The following CENPP variants were observed in gnomAD, a reference collection of about 807,000 sequenced individuals.
The protein encoded by CENPP is centromere protein P.
In CENPP, 24 loss-of-function variants were observed where a neutral mutation model predicts 35.6. The ratio of observed to expected loss-of-function variants is 0.67; its 90% CI spans 0.49 to 0.95. The LOEUF is 0.95. Ranked by LOEUF, CENPP falls within the 40% of genes least tolerant of loss-of-function variation. The pLI is 0.00. For synonymous variants in CENPP, 120 were observed against 125.5 expected (o/e 0.96, Z 0.29); for missense variants, 332 against 345.3 (o/e 0.96, Z 0.31).
intron 5 of CENPP, among the ~76,000 whole-genome samples, chr9:92,449,560 CTT>C (rs1448094745): frequency 6.9e-6 from 1 of 144,618 alleles, no homozygotes; most frequent in African/African-American, 2.5e-5. Flanking sequence ...TGAAAATGTT[CTT>C]TAAACATCAG....
chr9:92,602,342 C>T (rs1435265027), intron 5 of CENPP, among the ~76,000 whole-genome samples: 3 of 152,318 alleles, frequency 2.0e-5, no homozygotes, highest in African/African-American at 4.8e-5. Context: ...CCCTCACTGT[C>T]GTTGGTGTTG....
intron 5 of CENPP, among the ~76,000 whole-genome samples, chr9:92,487,682 C>CATGGTGGCACACACCTATAT (rs1037069520): frequency 6.6e-6 from 1 of 152,210 alleles, no homozygotes; most frequent in South Asian, 2.1e-4. Context: ...ATAGAACAGA[C>CATGGTGGCACACACCTATAT]ATGGTGGCAC....
chr9:92,567,358 C>T (rs1849991354), intron 5 of CENPP, among the ~76,000 whole-genome samples: 1 of 107,172 alleles, frequency 9.3e-6, no homozygotes, highest in South Asian at 3.6e-4. Flanking sequence ...ATGGGGTATA[C>T]AGTTACATAA....
chr9:92,401,003 T>C, intron 5 of CENPP: 1 of 667,324 alleles, frequency 1.5e-6, no homozygotes, highest in South Asian at 1.9e-5. Flanking sequence ...TTACTGTATC[T>C]TGAGTCAGTT....
At chr9:92,514,274 CTTTT>C (rs1044226766) in intron 5 of CENPP, among the ~76,000 whole-genome samples, 1 of 130,742 alleles carries the variant, frequency 7.6e-6, no homozygotes, top group Non-Finnish European at 1.7e-5. Flanking sequence ...GAGTCATTTA[CTTTT>C]TTTTTTTTTT....
At chr9:92,395,893 T>C (rs1388510545) in intron 5 of CENPP, among the ~76,000 whole-genome samples, 1 of 152,120 alleles carries the variant, frequency 6.6e-6, no homozygotes, top group African/African-American at 2.4e-5. Flanking sequence ...GAACAGTTGG[T>C]TCCTTGATAA....
At chr9:92,453,070 T>A (rs1356835970) in intron 5 of CENPP, among the ~76,000 whole-genome samples, 1 of 152,202 alleles carries the variant, frequency 6.6e-6, no homozygotes, top group Non-Finnish European at 1.5e-5. Context: ...TCATTAATTT[T>A]TTGAAGGGTT....
chr9:92,345,432 C>T (rs575492040), intron 3 of CENPP, among the ~76,000 whole-genome samples: 26 of 146,428 alleles, frequency 1.8e-4, no homozygotes, highest in East Asian at 1.2e-3. Context: ...GCGGAGGTTG[C>T]GGTGAGCCGA....
intron 5 of CENPP, among the ~76,000 whole-genome samples, chr9:92,554,072 G>A (rs909550170): frequency 6.6e-6 from 1 of 152,104 alleles, no homozygotes; most frequent in African/African-American, 2.4e-5. Flanking sequence ...ATTACATTAA[G>A]GTATTTCCCT....
At chr9:92,371,792 G>GTATA (rs35498369) in intron 4 of CENPP, among the ~76,000 whole-genome samples, 11 of 149,942 alleles carry the variant, frequency 7.3e-5, no homozygotes, top group African/African-American at 2.4e-4. Context: ...TATATTGGGT[G>GTATA]TATATATATA....
chr9:92,533,328 AATAT>A lies in CENPP; in HGVS notation c.565-77959_565-77956del, dbSNP rs202147064. Among the ~76,000 whole-genome samples the A allele has an allele frequency of 9.6e-3, 366 of 38,234 alleles. 6 individuals carry two copies. The highest frequency in any genetic ancestry group is 0.011 in the Non-Finnish European group (256 of 23,412). The allele number at this position is 38,234 out of a possible 152,430, so 25.1% of individuals were successfully genotyped here. A position where few individuals can be genotyped will look rare whatever the true frequency, so the allele number is the denominator to read the frequency against. On this transcript the variant is annotated intron_variant, in intron 5 of 7. Transcript: ENST00000375587. The stretch of plus-strand genomic sequence containing the variant: ...CAAAAAAAAAAAAAAAAAAAAAAAA[AATAT>A]ATATATATATATATATATATATATA...
chr9:92,534,970 C>T (rs1463861475), intron 5 of CENPP, among the ~76,000 whole-genome samples: 1 of 152,154 alleles, frequency 6.6e-6, no homozygotes, highest in East Asian at 1.9e-4. Context: ...CTGAGGCATC[C>T]TGAAAGCACT....
At chr9:92,536,173 A>AT (rs1027838347) in intron 5 of CENPP, 15 of 340,140 alleles carry the variant, frequency 4.4e-5, no homozygotes, top group South Asian at 1.7e-4. Context: ...CAAGGGAAAT[A>AT]TTTTTTTTAA....
Position 92,390,060 on chromosome 9 carries a change from G to T in CENPP, c.564+10201G>T. ...AAATCGAGTCTTCTTAAGTTAGCTA[G>T]AGGGAAAAAAATATAAAAAACAACT... On this transcript the variant is annotated intron_variant, in intron 5 of 7. Coordinates refer to ENST00000375587, the MANE Select transcript of CENPP (RefSeq NM_001012267.3). 2.0e-6 allele frequency: 3 copies of T among 1,528,096 alleles called. No homozygotes were observed. The East Asian group carries it at 6.8e-5, about 35-fold the overall frequency. 94.7% of individuals were successfully genotyped at this position (1,528,096 alleles called of 1,614,324 possible).
At chr9:92,452,510 A>G (rs536134592) in intron 5 of CENPP, among the ~76,000 whole-genome samples, 3 of 152,298 alleles carry the variant, frequency 2.0e-5, no homozygotes, top group African/African-American at 7.2e-5. Context: ...CCAGTATTTT[A>G]TTGAGGATTT....
chr9:92,456,850 T>G, intron 5 of CENPP: 1 of 542,888 alleles, frequency 1.8e-6, no homozygotes, highest in Non-Finnish European at 2.4e-6. Context: ...ATAAGAATAG[T>G]GTAATGCACT....
At chr9:92,392,730 C>A (rs1842738574) in intron 5 of CENPP, among the ~76,000 whole-genome samples, 1 of 152,060 alleles carries the variant, frequency 6.6e-6, no homozygotes, top group South Asian at 2.1e-4. Flanking sequence ...TTTTTATAGT[C>A]CAGGTAGAAA....
Position 92,391,479 on chromosome 9 carries a change from G to C in CENPP, c.564+11620G>C, listed in dbSNP as rs1291725398. ...CCAGGTGTGGTGGCACATGCCTGTA[G>C]TCTCAGCTACTTGCGAGACTGAGGG... On this transcript the variant is annotated intron_variant, in intron 5 of 7. Transcript: ENST00000375587. Among the ~76,000 whole-genome samples, 85 of 152,102 alleles carry C rather than the reference G, an allele frequency of 5.6e-4. 1 individual carries two copies. The highest frequency in any genetic ancestry group is 1.7e-3 in the African/African-American group (71 of 41,518).
At chr9:92,459,952 A>T (rs1845036157) in intron 5 of CENPP, among the ~76,000 whole-genome samples, 1 of 152,220 alleles carries the variant, frequency 6.6e-6, no homozygotes, top group African/African-American at 2.4e-5. Flanking sequence ...CAGTTTTGTC[A>T]GAAAATTCTT....
Sources: gnomAD v4.1 joint callset for allele counts (sites outside exome capture counted in the v4.1 genomes callset) on GRCh38, gnomAD v4.1.1 for gene constraint, MANE v1.5 for transcripts, NCBI Gene and HGNC (gene_info 2026-07-23, HGNC 2026-07-21) for gene names.